LONRF2: variants seen among roughly 807,000 people sequenced by gnomAD.
LONRF2 encodes the protein LON peptidase N-terminal domain and ring finger 2.
LONRF2 carries 35 observed loss-of-function variants against 66.6 expected under a neutral mutation model. The ratio of observed to expected loss-of-function variants is 0.53; its 90% CI spans 0.40 to 0.70. The LOEUF (loss-of-function observed/expected upper bound fraction) is 0.70, where lower values mean the gene tolerates loss of function less well. Among genes scored for constraint, LONRF2 ranks in the 30% least tolerant of loss-of-function variants. The pLI is 0.00. For missense variants in LONRF2, 902 were observed against 1,002.1 expected, an observed-to-expected ratio of 0.90 and a Z score of 1.35; for synonymous variants, 417 against 418.1, an observed-to-expected ratio of 1.00 and a Z score of 0.03.
In LONRF2 at chr2:100,278,654, G is replaced by A. The variant is rs1674647853; in HGVS notation, c.*5644C>T. ...CTGGGACCCACATCAGCACGAGTGGGGGTCCGCTTAGAAAGGAGACCCCAC... is the reference window on the plus strand; with the variant it reads ...CTGGGACCCACATCAGCACGAGTGGAGGTCCGCTTAGAAAGGAGACCCCAC... On this transcript the variant is annotated 3_prime_UTR_variant, in exon 12 of 12. Transcript: ENST00000393437. 1 of 152,086 alleles carries A rather than the reference G, an allele frequency of 6.6e-6. No homozygotes were observed. The highest frequency in any genetic ancestry group is 2.1e-4 in the South Asian group (1 of 4,820). The allele number at this position is 152,086 out of a possible 1,614,324, so 9.4% of individuals were successfully genotyped here. A position where few individuals can be genotyped will look rare whatever the true frequency, so the allele number is the denominator to read the frequency against.
At chr2:100,290,663 A>T (rs1367315317) in intron 9 of LONRF2, among the ~76,000 whole-genome samples, 1 of 152,156 alleles carries the variant, frequency 6.6e-6, no homozygotes, top group Non-Finnish European at 1.5e-5. Context: ...CTTGTGCCTT[A>T]GCGGTTCCAA....
chr2:100,305,958 G>A (rs781102249), intron 2 of LONRF2, among the ~76,000 whole-genome samples: 3 of 152,002 alleles, frequency 2.0e-5, no homozygotes, highest in African/African-American at 7.3e-5. Flanking sequence ...GTGCCATCTC[G>A]GCTCACTGCA....
At chr2:100,290,773 C>A (rs1009071856) in intron 9 of LONRF2, among the ~76,000 whole-genome samples, 2 of 152,174 alleles carry the variant, frequency 1.3e-5, no homozygotes, top group Non-Finnish European at 2.9e-5. Flanking sequence ...GACTGCCCAG[C>A]TGGTGCCACG....
chr2:100,309,313 A>C (rs1033783106), intron 1 of LONRF2, 88 bp from the exon 2 acceptor site: 1 of 715,104 alleles, frequency 1.4e-6, no homozygotes, highest in African/African-American at 1.8e-5. Context: ...TAAAGTGTAT[A>C]TATACATATG....
At chr2:100,294,414 C>A (rs1365713607) in intron 8 of LONRF2, 27 bp from the exon 9 acceptor site, 1 of 1,532,344 alleles carries the variant, frequency 6.5e-7, no homozygotes, top group Non-Finnish European at 8.7e-7. Flanking sequence ...CATGTTATCT[C>A]AGATGTATGA....
At position 100,321,369 on chromosome 2, in the gene LONRF2, G is replaced by A. The variant is rs190589978; in HGVS notation, c.679+46C>T. ...GGCCAGCTCCCCACCCCGCTGCTGG[G>A]CCGGACAGGTGTAGGGGAGGCGGAC... On this transcript the variant is annotated intron_variant, in intron 1 of 11. Transcript: ENST00000393437. 6 of 1,362,930 alleles carry A rather than the reference G, an allele frequency of 4.4e-6. No individual in the cohort carries two copies. The African/African-American group carries it at 9.2e-5, about 21-fold the overall frequency. 84.4% of individuals were successfully genotyped at this position (1,362,930 alleles called of 1,614,324 possible).
At chr2:100,296,185 ACTC>A (rs1675062925) in intron 7 of LONRF2, among the ~76,000 whole-genome samples, 1 of 151,550 alleles carries the variant, frequency 6.6e-6, no homozygotes, top group South Asian at 2.1e-4. Flanking sequence ...CTGAACTACT[ACTC>A]TGCGTGTGTG....
rs1296944590 is a variant in LONRF2, at chr2:100,282,412, A to G, written c.*1886T>C. On this transcript the variant is annotated 3_prime_UTR_variant, in exon 12 of 12. Coordinates refer to ENST00000393437, the MANE Select transcript of LONRF2 (RefSeq NM_198461.4). ...TGATAACTATTCAGCTGTGATATGA[A>G]GGTACAAAAAAATTTTCCAAAAGGG... 6.6e-6 allele frequency: 1 copy of G among 152,226 alleles called. No homozygotes were observed. Among genetic ancestry groups the G allele is most frequent in the African/African-American group, 2.4e-5 (1 of 41,458 alleles). 9.4% of individuals were successfully genotyped at this position (152,226 alleles called of 1,614,324 possible). A position where few individuals can be genotyped will look rare whatever the true frequency, so the allele number is the denominator to read the frequency against.
At chr2:100,307,888 AAAG>A (rs1489921319) in intron 2 of LONRF2, among the ~76,000 whole-genome samples, 4 of 152,220 alleles carry the variant, frequency 2.6e-5, no homozygotes, top group Non-Finnish European at 5.9e-5. Context: ...ACATAATTTT[AAAG>A]AAGAATGGAT....
intron 2 of LONRF2, among the ~76,000 whole-genome samples, chr2:100,306,351 A>G (rs1261843166): frequency 6.6e-6 from 1 of 152,236 alleles, no homozygotes; most frequent in Non-Finnish European, 1.5e-5. Context: ...ACTGTCTTAT[A>G]CGCACAAAGA....
At chr2:100,315,238 GT>G (rs1242067381) in intron 1 of LONRF2, among the ~76,000 whole-genome samples, 2 of 152,050 alleles carry the variant, frequency 1.3e-5, no homozygotes, top group African/African-American at 4.8e-5. Context: ...ATTGTTTAAA[GT>G]TTTTTTCCTA....
At chr2:100,298,698 G>A (rs1172427147) in intron 7 of LONRF2, 138 bp downstream of exon 7, 2 of 619,382 alleles carry the variant, frequency 3.2e-6, no homozygotes, top group South Asian at 2.3e-5. Flanking sequence ...TCAAAGAGAT[G>A]AGAAAAGACC....
chr2:100,291,121 G>C (rs1207166488), intron 9 of LONRF2, among the ~76,000 whole-genome samples: 1 of 152,202 alleles, frequency 6.6e-6, no homozygotes, highest in Non-Finnish European at 1.5e-5. Context: ...ATCCCACAGG[G>C]AGAGAGTAGG....
Position 100,306,015 on chromosome 2 carries a change from A to G in LONRF2, c.799-2972T>C, listed in dbSNP as rs532222531. Among the ~76,000 whole-genome samples the G allele has an allele frequency of 1.6e-3, 241 of 152,174 alleles. 1 individual carries two copies. Among genetic ancestry groups the G allele is most frequent in the African/African-American group, 5.6e-3 (232 of 41,518 alleles). On this transcript the variant is annotated intron_variant, in intron 2 of 11. Transcript: ENST00000393437. Reference sequence around the variant, plus strand: ...GTGATTCTCCTGCCTCAGCCTCCGGAGTAGCTGGGATTATAGCTGTGCACC... The same window carrying G: ...GTGATTCTCCTGCCTCAGCCTCCGGGGTAGCTGGGATTATAGCTGTGCACC...
chr2:100,304,141 C>T (rs1241924491), intron 2 of LONRF2, among the ~76,000 whole-genome samples: 2 of 142,734 alleles, frequency 1.4e-5, no homozygotes, highest in East Asian at 2.2e-4. Flanking sequence ...TAATTTTTAT[C>T]TCTAGAATTT....
chr2:100,295,639 G>T, intron 7 of LONRF2, 86 bp from the exon 8 acceptor site: 1 of 1,378,986 alleles, frequency 7.3e-7, no homozygotes, highest in Non-Finnish European at 9.9e-7. Context: ...ACAAGGAGGT[G>T]GTGGGTGGGA....
chr2:100,279,239 C>T lies in LONRF2; in HGVS notation c.*5059G>A, dbSNP rs974705698. ...AGCCACACAACCGCCAGACCTGCCACCCCGAGCCGAGAAACACCGCGATAT... is the reference window on the plus strand; with the variant it reads ...AGCCACACAACCGCCAGACCTGCCATCCCGAGCCGAGAAACACCGCGATAT... On this transcript the variant is annotated 3_prime_UTR_variant, in exon 12 of 12. Transcript: ENST00000393437. The T allele has an allele frequency of 6.6e-6, 1 of 152,276 alleles. No individual in the cohort carries two copies. The highest frequency in any genetic ancestry group is 6.5e-5 in the Admixed American group (1 of 15,272). 9.4% of individuals were successfully genotyped at this position (152,276 alleles called of 1,614,324 possible).
chr2:100,285,647 T>C (rs537171361), intron 11 of LONRF2, among the ~76,000 whole-genome samples: 1 of 152,232 alleles, frequency 6.6e-6, no homozygotes, highest in South Asian at 2.1e-4. Flanking sequence ...CAGAGGGACA[T>C]GTGGCTTTGG....
chr2:100,319,897 A>G (rs2104221708), intron 1 of LONRF2, among the ~76,000 whole-genome samples: 1 of 152,278 alleles, frequency 6.6e-6, no homozygotes, highest in South Asian at 2.1e-4. Context: ...TGTAGATACT[A>G]CCAAATATTT....
Sources: allele counts gnomAD v4.1 joint callset (sites outside exome capture counted in the v4.1 genomes callset), GRCh38; gene constraint gnomAD v4.1.1; transcripts MANE v1.5; gene names NCBI Gene and HGNC (gene_info 2026-07-23, HGNC 2026-07-21).